CAPZB: variants seen among roughly 807,000 people sequenced by gnomAD.
The protein encoded by CAPZB is capping actin protein of muscle Z-line subunit beta, also known as F-actin-capping protein subunit beta.
In CAPZB, 2 loss-of-function variants were observed where a neutral mutation model predicts 38.1. The observed-to-expected ratio is 0.05, with a 90% CI of 0.02 to 0.17. CAPZB has a LOEUF of 0.17. Ranked by LOEUF, CAPZB falls within the 10% of genes least tolerant of loss-of-function variation. The probability of loss-of-function intolerance (pLI) is 1.00; values close to 1 mark genes in which losing one functional copy is unlikely to be tolerated. For synonymous variants in CAPZB, 107 were observed against 127.4 expected (o/e 0.84, Z 1.08); for missense variants, 161 against 334.2 (o/e 0.48, Z 4.04).
intron 1 of CAPZB, among the ~76,000 whole-genome samples, chr1:19,428,420 CA>C (rs71577894): frequency 5.4e-4 from 69 of 127,064 alleles, no homozygotes; most frequent in African/African-American, 4.7e-4. Flanking sequence ...CCCCACCTGC[CA>C]AAAAAAAAAA....
intron 1 of CAPZB, among the ~76,000 whole-genome samples, chr1:19,428,113 C>G (rs2094429745): frequency 6.6e-6 from 1 of 152,202 alleles, no homozygotes; most frequent in Admixed American, 6.5e-5. Flanking sequence ...AAAATGTAAC[C>G]ATTTTAGGGC....
intron 1 of CAPZB, among the ~76,000 whole-genome samples, chr1:19,428,640 C>T (rs906879005): frequency 3.3e-5 from 5 of 152,104 alleles, no homozygotes; most frequent in African/African-American, 1.2e-4. Context: ...CTTCATTTGA[C>T]GATGCATAAT....
chr1:19,346,853 C>T (rs1158341766), intron 6 of CAPZB, among the ~76,000 whole-genome samples: 5 of 116,376 alleles, frequency 4.3e-5, no homozygotes, highest in Non-Finnish European at 5.0e-5. Flanking sequence ...GACGGAGTTT[C>T]GCTCTTGTCG....
intron 4 of CAPZB, among the ~76,000 whole-genome samples, chr1:19,368,099 TAC>T (rs2094100083): frequency 6.6e-6 from 1 of 152,328 alleles, no homozygotes; most frequent in African/African-American, 2.4e-5. Flanking sequence ...ATCTTTTTTT[TAC>T]AGTTAAGAAA....
At chr1:19,449,797 A>G (rs1263548908) in intron 1 of CAPZB, among the ~76,000 whole-genome samples, 1 of 151,632 alleles carries the variant, frequency 6.6e-6, no homozygotes, top group East Asian at 1.9e-4. Context: ...AAAAAAAAAA[A>G]AAAGAGAGAG....
chr1:19,422,995 T>C (rs914217597), intron 1 of CAPZB, among the ~76,000 whole-genome samples: 2 of 152,012 alleles, frequency 1.3e-5, no homozygotes, highest in Non-Finnish European at 2.9e-5. Context: ...TTAACCCTTC[T>C]TCGGTGCCTG....
At chr1:19,459,074 C>T (rs1470995763) in intron 1 of CAPZB, among the ~76,000 whole-genome samples, 1 of 152,158 alleles carries the variant, frequency 6.6e-6, no homozygotes, top group Non-Finnish European at 1.5e-5. Context: ...CTGACCCTCC[C>T]GCCTGCCTGC....
intron 8 of CAPZB, chr1:19,342,966 C>T (rs1198251581): frequency 5.2e-6 from 4 of 763,290 alleles, no homozygotes; most frequent in South Asian, 2.9e-5. Flanking sequence ...GGGAGACCCA[C>T]GAGGCGGAAG....
intron 7 of CAPZB, among the ~76,000 whole-genome samples, chr1:19,344,876 G>A (rs892083718): frequency 6.6e-6 from 1 of 152,202 alleles, no homozygotes; most frequent in African/African-American, 2.4e-5. Flanking sequence ...CTCTCCCAGC[G>A]CAGGGCCCTG....
intron 1 of CAPZB, among the ~76,000 whole-genome samples, chr1:19,444,989 C>T (rs763030415): frequency 2.6e-5 from 4 of 152,058 alleles, no homozygotes; most frequent in Non-Finnish European, 2.9e-5. Flanking sequence ...GTGATCTGCC[C>T]GCCTCGGCCT....
chr1:19,470,658 C>T (rs2094583993), intron 1 of CAPZB, among the ~76,000 whole-genome samples: 1 of 152,138 alleles, frequency 6.6e-6, no homozygotes, highest in Non-Finnish European at 1.5e-5. Flanking sequence ...AGCCCCAAAC[C>T]CCTGTGAGCA....
chr1:19,348,753 C>T (rs2093975849), intron 6 of CAPZB, among the ~76,000 whole-genome samples: 1 of 89,024 alleles, frequency 1.1e-5, no homozygotes, highest in Non-Finnish European at 2.1e-5. Flanking sequence ...CGGGTGGCAT[C>T]TGACAAGGGG....
intron 2 of CAPZB, among the ~76,000 whole-genome samples, chr1:19,399,118 G>T (rs142727085): frequency 1.3e-5 from 2 of 151,924 alleles, no homozygotes; most frequent in African/African-American, 4.8e-5. Flanking sequence ...TTGCCCTCCC[G>T]AAGTGCTGGG....
intron 1 of CAPZB, among the ~76,000 whole-genome samples, chr1:19,450,852 G>T (rs1361116746): frequency 6.6e-6 from 1 of 152,116 alleles, no homozygotes; most frequent in Non-Finnish European, 1.5e-5. Context: ...CATTTGTTTT[G>T]GAAAAGACAA....
In CAPZB at chr1:19,423,516, CTTTTTTTTTTTT is replaced by C. The variant is rs11340496; in HGVS notation, c.4-3778_4-3767del. Among the ~76,000 whole-genome samples the C allele has an allele frequency of 7.9e-5, 9 of 113,270 alleles. No individual in the cohort carries two copies. In the East Asian group the frequency reaches 1.8e-3, roughly 22 times the overall value. The allele number at this position is 113,270 out of a possible 152,430, so 74.3% of individuals were successfully genotyped here. On this transcript the variant is annotated intron_variant, in intron 1 of 8. Coordinates refer to ENST00000264202, the MANE Select transcript of CAPZB (RefSeq NM_004930.5). ...TCAATAACAAGCAATAGTGAACATT[CTTTTTTTTTTTT>C]TTTTTTTTTTTTTAAAGATAGGCTC... is the stretch of plus-strand genomic sequence containing the variant.
At chr1:19,409,314 G>C (rs1274062824) in intron 2 of CAPZB, among the ~76,000 whole-genome samples, 3 of 151,958 alleles carry the variant, frequency 2.0e-5, no homozygotes, top group Non-Finnish European at 2.9e-5. Flanking sequence ...CACTTCATTA[G>C]AAAGTCACGA....
intron 1 of CAPZB, among the ~76,000 whole-genome samples, chr1:19,468,760 C>A (rs1410659752): frequency 6.6e-6 from 1 of 152,170 alleles, no homozygotes; most frequent in African/African-American, 2.4e-5. Flanking sequence ...CCAGCACCCG[C>A]CATGCCCTCC....
At chr1:19,451,958 A>G (rs1452664530) in intron 1 of CAPZB, among the ~76,000 whole-genome samples, 1 of 152,118 alleles carries the variant, frequency 6.6e-6, no homozygotes, top group Non-Finnish European at 1.5e-5. Context: ...TATTGTAATT[A>G]TTATTTTATT....
At chr1:19,475,096 G>A (rs1166959178) in intron 1 of CAPZB, among the ~76,000 whole-genome samples, 2 of 152,132 alleles carry the variant, frequency 1.3e-5, no homozygotes, top group Non-Finnish European at 2.9e-5. Context: ...CACACTACGA[G>A]TCCATGTCAC....
Sources: gnomAD v4.1 joint callset for allele counts (sites outside exome capture counted in the v4.1 genomes callset) on GRCh38, gnomAD v4.1.1 for gene constraint, MANE v1.5 for transcripts, NCBI Gene and HGNC (gene_info 2026-07-23, HGNC 2026-07-21) for gene names.